Variants in PLXNA1 observed in about 807,000 individuals in gnomAD.
PLXNA1 encodes plexin-A1.
A neutral mutation model predicts 191.7 loss-of-function variants in PLXNA1; 77 were observed. That is an observed-to-expected ratio of 0.40 (90% CI 0.33 to 0.49). The LOEUF (loss-of-function observed/expected upper bound fraction) is 0.49. Ranked by LOEUF, PLXNA1 falls within the 20% of genes least tolerant of loss-of-function variation. The pLI is 0.63. For missense variants in PLXNA1, 2,110 were observed against 2,660.2 expected, an observed-to-expected ratio of 0.79 and a Z score of 4.55; for synonymous variants, 1,137 against 1,156.4, an observed-to-expected ratio of 0.98 and a Z score of 0.34.
rs550744787 is a variant in PLXNA1, at chr3:127,032,880, C to T, written c.5595+44C>T. The T allele has an allele frequency of 4.1e-4, 650 of 1,591,604 alleles. 10 individuals carry two copies. In the South Asian group the frequency reaches 6.2e-3, roughly 15 times the overall value. On this transcript the variant is annotated intron_variant, in intron 31 of 31. Transcript: ENST00000393409. ...CACAGGCTGGGCTAGGAGGGCTTGC[C>T]GGCCCCTGCCAGAGTCACCTGCTCT...
At chr3:127,014,656 G>T in intron 13 of PLXNA1, 27 bp downstream of exon 13, 2 of 1,611,982 alleles carry the variant, frequency 1.2e-6, no homozygotes, top group Non-Finnish European at 8.5e-7. Flanking sequence ...GTGTGTGCGG[G>T]GCGGGACGGG....
In PLXNA1 at chr3:127,005,151, A is replaced by T. The variant is rs774942164; in HGVS notation, c.1805A>T (p.Asp602Val). The change falls in exon 7 of 32, where the codon GAC (aspartate) becomes GTC (valine). Residue 602 changes from aspartate (D) to valine (V), a missense_variant. By Grantham distance (152) the Asp-to-Val change is radical. Transcript: ENST00000393409. Reference protein sequence around the residue: ...LSAGVNCSFEDFTESESVLED... With the variant: ...LSAGVNCSFEVFTESESVLED... ...GCTGGCGTCAACTGCTCCTTCGAGG[A>T]CTTCACGGAATCTGAGAGCGTCCTG... The T allele has an allele frequency of 3.1e-6, 5 of 1,612,644 alleles. No individual in the cohort carries two copies. The highest frequency in any genetic ancestry group is 4.2e-6 in the Non-Finnish European group (5 of 1,179,922).
At position 127,014,289 on chromosome 3, in the gene PLXNA1, C is replaced by G. The variant is rs1184304062; in HGVS notation, c.2518C>G (p.Arg840Gly). ...WCVAERRCSL[R>G]HHCAADTPAS... ...CGTGGCCGAGCGCCGCTGCTCCCTGCGACACCACTGCGCTGCCGACACACC... is the reference window on the plus strand; with the variant it reads ...CGTGGCCGAGCGCCGCTGCTCCCTGGGACACCACTGCGCTGCCGACACACC... The change falls in exon 12 of 32, where the codon CGA becomes GGA. Residue 840 changes from arginine to glycine, a missense_variant. Physicochemically the swap from Arg to Gly is moderately radical, Grantham distance 125. This residue lies in a region of PLXNA1 where 644 missense variants were observed against 714.3 expected (regional missense o/e 0.90). Coordinates refer to ENST00000393409, the MANE Select transcript of PLXNA1 (RefSeq NM_032242.4). 1 of 1,595,476 alleles carries G rather than the reference C, an allele frequency of 6.3e-7. No homozygotes were observed. The highest frequency in any genetic ancestry group is 1.7e-5 in the Admixed American group (1 of 58,460).
chr3:127,031,151 C>G (rs1412436425), intron 29 of PLXNA1, among the ~76,000 whole-genome samples: 2 of 152,210 alleles, frequency 1.3e-5, no homozygotes, highest in Non-Finnish European at 2.9e-5. Flanking sequence ...GGCTTCCTCT[C>G]TGCCACACAG....
chr3:126,987,885 C>A (rs1434184252), intron 1 of PLXNA1, among the ~76,000 whole-genome samples: 1 of 152,164 alleles, frequency 6.6e-6, no homozygotes, highest in Non-Finnish European at 1.5e-5. Context: ...CGAGAGCAGC[C>A]CAGGCTGCCA....
chr3:127,006,193 G>GC lies in PLXNA1; in HGVS notation c.1997+19dup, dbSNP rs757485915. ...GTCCACCAGTCGTGAGTGTCTCTAG[G>GC]CCCCTCCGCCCGCCTGGGCCTGGGC... On this transcript the variant is annotated intron_variant, in intron 8 of 31. Coordinates refer to ENST00000393409, the MANE Select transcript of PLXNA1 (RefSeq NM_032242.4). 4 of 1,602,114 alleles carry GC rather than the reference G, an allele frequency of 2.5e-6. No homozygotes were observed. The South Asian group carries it at 4.4e-5, about 18-fold the overall frequency.
At chr3:126,986,335 G>T (rs949746877) in intron 1 of PLXNA1, among the ~76,000 whole-genome samples, 1 of 152,202 alleles carries the variant, frequency 6.6e-6, no homozygotes, top group African/African-American at 2.4e-5. Flanking sequence ...TTCTTGGGGC[G>T]CTGTCCGGCA....
intron 1 of PLXNA1, among the ~76,000 whole-genome samples, chr3:126,983,900 G>C (rs2078944442): frequency 6.6e-6 from 1 of 152,206 alleles, no homozygotes; most frequent in Non-Finnish European, 1.5e-5. Flanking sequence ...CGGGGTGGAA[G>C]TTGGAGCGGC....
At chr3:127,016,886 T>G in intron 16 of PLXNA1, 58 bp from the exon 17 acceptor site, 3 of 1,482,848 alleles carry the variant, frequency 2.0e-6, no homozygotes, top group Non-Finnish European at 2.8e-6. Flanking sequence ...GGCCCACGTT[T>G]CCAGCTCACT....
At chr3:127,015,346 GC>G (rs1189977439) in intron 15 of PLXNA1, 26 bp downstream of exon 15, 2 of 1,584,812 alleles carry the variant, frequency 1.3e-6, no homozygotes, top group Non-Finnish European at 1.7e-6. Context: ...GGGGGTGGGG[GC>G]CTGGCTGCCC....
At chr3:126,995,245 A>G (rs1007672989) in intron 3 of PLXNA1, among the ~76,000 whole-genome samples, 7 of 152,096 alleles carry the variant, frequency 4.6e-5, no homozygotes, top group Admixed American at 4.6e-4. Context: ...GCACCCACAC[A>G]GGCAGCCTCT....
Position 127,027,945 on chromosome 3 carries a change from C to G in PLXNA1, c.4368C>G (p.Cys1456Trp). Reference sequence around the variant, plus strand: ...TCATGCCGCCACCCCCGCAGGAGTGCGCTGGGGAGCCGCTGTTCATGCTGT... The same window carrying G: ...TCATGCCGCCACCCCCGCAGGAGTGGGCTGGGGAGCCGCTGTTCATGCTGT... ...TFLLYKFLKE[C>W]AGEPLFMLYC... The change falls in exon 24 of 32, where the codon TGC (cysteine) becomes TGG (tryptophan). Residue 1456 changes from cysteine to tryptophan, a missense_variant. Transcript: ENST00000393409. The G allele has an allele frequency of 6.2e-7, 1 of 1,613,188 alleles. No individual in the cohort carries two copies. Among genetic ancestry groups the G allele is most frequent in the Non-Finnish European group, 8.5e-7 (1 of 1,179,914 alleles).
intron 21 of PLXNA1, among the ~76,000 whole-genome samples, chr3:127,021,279 A>G (rs1403143325): frequency 6.6e-6 from 1 of 151,942 alleles, no homozygotes; most frequent in Non-Finnish European, 1.5e-5. Context: ...CAGTGCCTCC[A>G]TTTGCTGTGT....
Position 127,017,742 on chromosome 3 carries a change from C to G in PLXNA1, c.3517-7C>G, listed in dbSNP as rs1333445485. ...CCTGGGCTCTGGCTCACCCCCATCTCCTACAGGGCCGGAACCTCTTGCCAC... is the reference window on the plus strand; with the variant it reads ...CCTGGGCTCTGGCTCACCCCCATCTGCTACAGGGCCGGAACCTCTTGCCAC... On this transcript the variant is annotated splice_region_variant and splice_polypyrimidine_tract_variant and intron_variant, in intron 18 of 31. Coordinates refer to ENST00000393409, the MANE Select transcript of PLXNA1 (RefSeq NM_032242.4). 6.2e-7 allele frequency: 1 copy of G among 1,613,306 alleles called. No individual in the cohort carries two copies. Among genetic ancestry groups the G allele is most frequent in the South Asian group, 1.1e-5 (1 of 91,082 alleles).
chr3:127,005,770 G>A (rs1576677036), intron 7 of PLXNA1, among the ~76,000 whole-genome samples: 1 of 152,206 alleles, frequency 6.6e-6, no homozygotes, highest in East Asian at 1.9e-4. Flanking sequence ...ATGGGGACTT[G>A]GGGTGCAGGA....
At position 127,005,248 on chromosome 3, in the gene PLXNA1, G is replaced by A. The variant is rs761286405; in HGVS notation, c.1897+5G>A. 8 of 1,601,168 alleles carry A rather than the reference G, an allele frequency of 5.0e-6. No homozygotes were observed. Among genetic ancestry groups the A allele is most frequent in the Non-Finnish European group, 5.1e-6 (6 of 1,174,854 alleles). On this transcript the variant is annotated splice_donor_5th_base_variant and intron_variant, in intron 7 of 31. Coordinates refer to ENST00000393409, the MANE Select transcript of PLXNA1 (RefSeq NM_032242.4). ...CGCCCATCACGCGGGGCCAGGGTGAGTGGCCCCAACACAATGGTGCCCGCT... is the reference window on the plus strand; with the variant it reads ...CGCCCATCACGCGGGGCCAGGGTGAATGGCCCCAACACAATGGTGCCCGCT...
At chr3:126,997,635 C>G (rs143232336) in intron 3 of PLXNA1, among the ~76,000 whole-genome samples, 1 of 152,224 alleles carries the variant, frequency 6.6e-6, no homozygotes. Flanking sequence ...GCCCCCTTTC[C>G]GCCTCTCCTG....
At chr3:127,011,814 T>C in intron 9 of PLXNA1, 144 bp from the exon 10 acceptor site, 1 of 762,792 alleles carries the variant, frequency 1.3e-6, no homozygotes, top group East Asian at 2.5e-5. Flanking sequence ...CAGCCAGCGG[T>C]CCTCAGTTTG....
chr3:127,024,128 TA>T (rs1041322018), intron 23 of PLXNA1, among the ~76,000 whole-genome samples: 1 of 152,144 alleles, frequency 6.6e-6, no homozygotes, highest in Non-Finnish European at 1.5e-5. Flanking sequence ...TCTGTGAGCC[TA>T]AAGCAGCAGG....
Sources: allele counts gnomAD v4.1 joint callset (sites outside exome capture counted in the v4.1 genomes callset), GRCh38; gene constraint gnomAD v4.1.1; regional missense constraint gnomAD v4.1.1; transcripts MANE v1.5; gene names NCBI Gene and HGNC (gene_info 2026-07-23, HGNC 2026-07-21).